ELMO1: variants seen among roughly 807,000 people sequenced by gnomAD.
ELMO1 encodes engulfment and cell motility 1, also known as engulfment and cell motility protein 1.
Under a neutral mutation model 98.9 loss-of-function variants are expected in ELMO1, and 26 were observed. The observed-to-expected ratio is 0.26, with a 90% CI of 0.19 to 0.36. The LOEUF (loss-of-function observed/expected upper bound fraction) is 0.36. Among genes scored for constraint, ELMO1 ranks in the 10% least tolerant of loss-of-function variants. ELMO1 has a pLI of 1.00. For missense variants in ELMO1, 627 were observed against 935.2 expected (o/e 0.67, Z 4.30); for synonymous variants, 346 against 346.0 (o/e 1.00, Z 0.00).
chr7:37,190,460 A>G (rs1351446566), intron 13 of ELMO1, among the ~76,000 whole-genome samples: 1 of 152,158 alleles, frequency 6.6e-6, no homozygotes, highest in Non-Finnish European at 1.5e-5. Flanking sequence ...GACATCATAA[A>G]CTATCCTATT....
intron 20 of ELMO1, among the ~76,000 whole-genome samples, chr7:36,869,138 G>T (rs1480765071): frequency 6.6e-6 from 1 of 152,194 alleles, no homozygotes; most frequent in Non-Finnish European, 1.5e-5. Context: ...AACCCCCGTT[G>T]GTGCTGTGTA....
At chr7:37,371,756 A>G (rs1426692521) in intron 1 of ELMO1, among the ~76,000 whole-genome samples, 1 of 152,156 alleles carries the variant, frequency 6.6e-6, no homozygotes, top group African/African-American at 2.4e-5. Flanking sequence ...TGGTTCTCCT[A>G]ATTAGTGGCC....
At chr7:37,170,447 G>T (rs987542493) in intron 13 of ELMO1, among the ~76,000 whole-genome samples, 3 of 152,186 alleles carry the variant, frequency 2.0e-5, no homozygotes, top group Admixed American at 6.5e-5. Context: ...GAAGTGCTGG[G>T]ATCTGTTCCT....
At position 36,855,183 on chromosome 7, in the gene ELMO1, A is replaced by G. The variant is rs2129028993; in HGVS notation, c.*368T>C. 2 of 272,386 alleles carry G rather than the reference A, an allele frequency of 7.3e-6. No individual in the cohort carries two copies. The highest frequency in any genetic ancestry group is 9.0e-5 in the South Asian group (2 of 22,174). 16.9% of individuals were successfully genotyped at this position (272,386 alleles called of 1,614,324 possible). On this transcript the variant is annotated 3_prime_UTR_variant, in exon 22 of 22. Transcript: ENST00000310758. The surrounding 1 kb of genome is among the most constrained non-coding windows in gnomAD (Gnocchi z 4.2). ...GGCACTGCCCTTGGTCTGGTGGGCA[A>G]GTTTTTGGGCAGTCTGGGGCTGCTG...
At chr7:37,073,377 A>G (rs1032473152) in intron 15 of ELMO1, among the ~76,000 whole-genome samples, 1 of 152,230 alleles carries the variant, frequency 6.6e-6, no homozygotes, top group African/African-American at 2.4e-5. Flanking sequence ...ACATGTATTT[A>G]TGCAGATAAT....
chr7:37,059,408 A>G (rs1266683335), intron 15 of ELMO1, among the ~76,000 whole-genome samples: 1 of 152,192 alleles, frequency 6.6e-6, no homozygotes, highest in Non-Finnish European at 1.5e-5. Context: ...CTGAAAACTA[A>G]TATTATGTGC....
At chr7:37,371,287 G>A (rs1025598120) in intron 1 of ELMO1, among the ~76,000 whole-genome samples, 2 of 152,198 alleles carry the variant, frequency 1.3e-5, no homozygotes, top group Admixed American at 1.3e-4. Flanking sequence ...AGTTAGGGAA[G>A]AGAATGGGAT....
chr7:37,106,324 G>A (rs1002247075), intron 14 of ELMO1, among the ~76,000 whole-genome samples: 4 of 152,074 alleles, frequency 2.6e-5, no homozygotes, highest in African/African-American at 4.8e-5. Flanking sequence ...CTTCTCTCTC[G>A]TGACTGGGAT....
intron 13 of ELMO1, among the ~76,000 whole-genome samples, chr7:37,149,138 T>C (rs1375685749): frequency 6.6e-6 from 1 of 152,156 alleles, no homozygotes; most frequent in African/African-American, 2.4e-5. Context: ...ACACATGGAC[T>C]CCCAGGAAGT....
intron 1 of ELMO1, among the ~76,000 whole-genome samples, chr7:37,409,078 C>T (rs113736155): frequency 3.6e-4 from 53 of 146,064 alleles, no homozygotes; most frequent in Non-Finnish European, 7.0e-4. Context: ...AAACTCAGCA[C>T]AATATCAGCA....
chr7:37,229,818 T>C (rs933997510), intron 8 of ELMO1, among the ~76,000 whole-genome samples: 3 of 152,232 alleles, frequency 2.0e-5, no homozygotes, highest in Non-Finnish European at 1.5e-5. Context: ...ATGAAATAGA[T>C]TAAATGTGCT....
intron 13 of ELMO1, among the ~76,000 whole-genome samples, chr7:37,158,732 G>A (rs1056807426): frequency 1.2e-4 from 18 of 152,190 alleles, no homozygotes; most frequent in Non-Finnish European, 2.1e-4. Context: ...CAACCATTGT[G>A]GAAGACAGTG....
chr7:37,383,954 T>C (rs915147505), intron 1 of ELMO1, among the ~76,000 whole-genome samples: 2 of 152,138 alleles, frequency 1.3e-5, no homozygotes, highest in African/African-American at 2.4e-5. Flanking sequence ...TAGCTGGGAC[T>C]ACAAGCGCCC....
intron 16 of ELMO1, among the ~76,000 whole-genome samples, chr7:36,925,776 T>A (rs1196718354): frequency 6.6e-6 from 1 of 152,170 alleles, no homozygotes; most frequent in Non-Finnish European, 1.5e-5. Context: ...CTCTGACAAA[T>A]CACCTACTCG....
chr7:36,995,725 G>A (rs1017916331), intron 16 of ELMO1, among the ~76,000 whole-genome samples: 1 of 152,060 alleles, frequency 6.6e-6, no homozygotes, highest in Non-Finnish European at 1.5e-5. Context: ...TTGAATAGTT[G>A]GGCTATTTTC....
At chr7:37,243,432 G>A (rs1448091798) in intron 7 of ELMO1, among the ~76,000 whole-genome samples, 1 of 152,084 alleles carries the variant, frequency 6.6e-6, no homozygotes, top group African/African-American at 2.4e-5. Context: ...CATAAAAAGT[G>A]GCTTCTACTG....
intron 4 of ELMO1, among the ~76,000 whole-genome samples, chr7:37,276,565 T>C (rs1002180565): frequency 3.9e-4 from 59 of 152,278 alleles, no homozygotes; most frequent in African/African-American, 1.3e-3. Flanking sequence ...GAGCCGAGAT[T>C]ACGCCACTGC....
intron 1 of ELMO1, among the ~76,000 whole-genome samples, chr7:37,384,320 G>T (rs1039342278): frequency 6.6e-6 from 1 of 152,176 alleles, no homozygotes; most frequent in Non-Finnish European, 1.5e-5. Context: ...GATTAATGAG[G>T]TGTTATAGAT....
chr7:37,409,761 T>C (rs1803919824), intron 1 of ELMO1, among the ~76,000 whole-genome samples: 1 of 152,212 alleles, frequency 6.6e-6, no homozygotes, highest in African/African-American at 2.4e-5. Context: ...CCATATAGTA[T>C]CACTTCTGCT....
Sources: gnomAD v4.1 joint callset for allele counts (sites outside exome capture counted in the v4.1 genomes callset) on GRCh38, gnomAD v4.1.1 for gene constraint, Gnocchi (gnomAD v3.1) non-coding constraint, MANE v1.5 for transcripts, NCBI Gene and HGNC (gene_info 2026-07-23, HGNC 2026-07-21) for gene names.